The following SLIT2 variants were observed in gnomAD, a reference collection of about 807,000 sequenced individuals.
SLIT2 encodes slit homolog 2 protein.
Under a neutral mutation model 185.7 loss-of-function variants are expected in SLIT2, and 41 were observed. That is an observed-to-expected ratio of 0.22 (90% CI 0.17 to 0.29). SLIT2 has a LOEUF of 0.29. Among genes scored for constraint, SLIT2 ranks in the 10% least tolerant of loss-of-function variants. The probability of loss-of-function intolerance (pLI) is 1.00; values close to 1 mark genes in which losing one functional copy is unlikely to be tolerated. For synonymous variants in SLIT2, 693 were observed against 680.2 expected (o/e 1.02, Z -0.29); for missense variants, 1,571 against 1,909.0 (o/e 0.82, Z 3.30).
At chr4:20,470,053 C>T (rs1043110460) in intron 5 of SLIT2, among the ~76,000 whole-genome samples, 1 of 151,844 alleles carries the variant, frequency 6.6e-6, no homozygotes, top group African/African-American at 2.4e-5. Context: ...CTGTGCCTGG[C>T]CAGTTTTTAC....
At chr4:20,525,231 A>G in intron 15 of SLIT2, 59 bp downstream of exon 15, 1 of 1,293,250 alleles carries the variant, frequency 7.7e-7, no homozygotes, top group African/African-American at 1.5e-5. Flanking sequence ...CTTATAAAAT[A>G]TAGCTTCTAA....
Position 20,616,950 on chromosome 4 carries a change from C to G in SLIT2, c.3888C>G (p.Ala1296=). 6.2e-7 allele frequency: 1 copy of G among 1,612,992 alleles called. No individual in the cohort carries two copies. The highest frequency in any genetic ancestry group is 8.5e-7 in the Non-Finnish European group (1 of 1,179,188). ...GTAACGTGGCATCTCTGCGCCAGGC[C>G]CCTGGGCAGAACGGAACCAGCTTCC... ...GKSNVASLRQ[A]PGQNGTSFHG... The change falls in exon 35 of 37, where the codon GCC becomes GCG. Residue 1296 remains alanine, a synonymous_variant. Coordinates refer to ENST00000504154, the MANE Select transcript of SLIT2 (RefSeq NM_004787.4).
At chr4:20,488,696 G>A (rs763931292) in intron 7 of SLIT2, 123 bp from the exon 8 acceptor site, 24 of 671,564 alleles carry the variant, frequency 3.6e-5, no homozygotes, top group Non-Finnish European at 5.1e-5. Flanking sequence ...TAATTTTTAG[G>A]AAAAATAATT....
chr4:20,435,293 A>G (rs866367921), intron 4 of SLIT2, among the ~76,000 whole-genome samples: 1 of 152,200 alleles, frequency 6.6e-6, no homozygotes, highest in South Asian at 2.1e-4. Context: ...CACACAGCAG[A>G]TATTGATTGA....
chr4:20,377,139 C>T (rs1400944524), intron 4 of SLIT2, among the ~76,000 whole-genome samples: 3 of 151,756 alleles, frequency 2.0e-5, no homozygotes, highest in Non-Finnish European at 2.9e-5. Flanking sequence ...TAGGAAGAAG[C>T]AAATGGAACA....
intron 4 of SLIT2, among the ~76,000 whole-genome samples, chr4:20,429,463 A>G (rs1728804585): frequency 6.6e-6 from 1 of 152,222 alleles, no homozygotes; most frequent in Admixed American, 6.6e-5. Context: ...AAATGAAGCA[A>G]CAAGTTTTCT....
At chr4:20,326,389 A>G (rs1164096843) in intron 4 of SLIT2, among the ~76,000 whole-genome samples, 3 of 152,024 alleles carry the variant, frequency 2.0e-5, no homozygotes, top group Admixed American at 6.6e-5. Context: ...CTGATGTTTC[A>G]AAGGGCATTT....
chr4:20,443,339 G>A (rs892369800), intron 4 of SLIT2, among the ~76,000 whole-genome samples: 2 of 152,094 alleles, frequency 1.3e-5, no homozygotes, highest in Non-Finnish European at 1.5e-5. Context: ...CTTGGAACAG[G>A]CACAGGCTTA....
intron 8 of SLIT2, chr4:20,490,829 C>G: frequency 2.0e-6 from 3 of 1,514,108 alleles, no homozygotes; most frequent in South Asian, 1.2e-5. Flanking sequence ...GTTCACATTT[C>G]TTTTTTAGAC....
chr4:20,385,463 G>A (rs1442838722), intron 4 of SLIT2, among the ~76,000 whole-genome samples: 1 of 152,116 alleles, frequency 6.6e-6, no homozygotes, highest in Non-Finnish European at 1.5e-5. Context: ...GTCCTCAAAA[G>A]TTGTATAGCT....
At chr4:20,288,172 A>G (rs997533541) in intron 4 of SLIT2, among the ~76,000 whole-genome samples, 10 of 152,204 alleles carry the variant, frequency 6.6e-5, no homozygotes, top group African/African-American at 2.4e-4. Context: ...TTATCTGGGA[A>G]TTTAAAAAAA....
At position 20,567,571 on chromosome 4, in the gene SLIT2, T is replaced by C. The variant is rs1293468897; in HGVS notation, c.2904T>C (p.His968=). 2 of 1,613,246 alleles carry C rather than the reference T, an allele frequency of 1.2e-6. No homozygotes were observed. The highest frequency in any genetic ancestry group is 2.7e-5 in the African/African-American group (2 of 74,862). The change falls in exon 28 of 37, where the codon CAT becomes CAC. Residue 968 remains histidine, a synonymous_variant. Coordinates refer to ENST00000504154, the MANE Select transcript of SLIT2 (RefSeq NM_004787.4). ...IHACISNPCK[H]GGTCHLKEGE... ...CCTGCATCAGTAACCCATGTAAACA[T>C]GGAGGAACTTGCCACTTAAAGGAAG...
chr4:20,399,550 A>T (rs1205434608), intron 4 of SLIT2, among the ~76,000 whole-genome samples: 3 of 151,762 alleles, frequency 2.0e-5, no homozygotes, highest in African/African-American at 7.2e-5. Flanking sequence ...ACTTGAATCT[A>T]ATCTCTCCCC....
chr4:20,388,357 G>A (rs1577555239), intron 4 of SLIT2, among the ~76,000 whole-genome samples: 1 of 152,042 alleles, frequency 6.6e-6, no homozygotes. Context: ...ACAAATAAGA[G>A]CAAATAAGCC....
chr4:20,437,197 G>A lies in SLIT2; in HGVS notation c.396-30555G>A, dbSNP rs575352248. Among the ~76,000 whole-genome samples, 8 of 152,176 alleles carry A rather than the reference G, an allele frequency of 5.3e-5. No homozygotes were observed. The Middle Eastern group carries it at 0.014, about 259-fold the overall frequency. On this transcript the variant is annotated intron_variant, in intron 4 of 36. Coordinates refer to ENST00000504154, the MANE Select transcript of SLIT2 (RefSeq NM_004787.4). ...GCCTCCCCCGCATCTCCATTTGGAT[G>A]TCTGCTCGGCAGAATCTCCATCTTA... is the stretch of plus-strand genomic sequence containing the variant.
intron 29 of SLIT2, chr4:20,569,366 C>T (rs1283714806): frequency 4.4e-6 from 1 of 227,100 alleles, no homozygotes; most frequent in Non-Finnish European, 8.8e-6. Flanking sequence ...ATTTAATAGC[C>T]AAAACATAAT....
chr4:20,348,632 C>T (rs754033320), intron 4 of SLIT2, among the ~76,000 whole-genome samples: 12 of 152,118 alleles, frequency 7.9e-5, no homozygotes, highest in African/African-American at 2.4e-5. Flanking sequence ...CTAATGACAG[C>T]CACTGTGCTA....
At chr4:20,333,818 T>C (rs1420986005) in intron 4 of SLIT2, among the ~76,000 whole-genome samples, 1 of 152,140 alleles carries the variant, frequency 6.6e-6, no homozygotes, top group Admixed American at 6.5e-5. Flanking sequence ...AAGGTTGCAA[T>C]TATTTAGGAG....
chr4:20,432,356 C>G (rs1391573347), intron 4 of SLIT2, among the ~76,000 whole-genome samples: 3 of 152,146 alleles, frequency 2.0e-5, no homozygotes, highest in African/African-American at 7.2e-5. Context: ...AATTAGTTTA[C>G]TGCTTAGTCC....
Sources: allele counts gnomAD v4.1 joint callset (sites outside exome capture counted in the v4.1 genomes callset), GRCh38; gene constraint gnomAD v4.1.1; transcripts MANE v1.5; gene names NCBI Gene and HGNC (gene_info 2026-07-23, HGNC 2026-07-21).